VPS8: variants seen among roughly 807,000 people sequenced by gnomAD.
VPS8 encodes the protein vacuolar protein sorting-associated protein 8 homolog.
In VPS8, 129 loss-of-function variants were observed where a neutral mutation model predicts 216.4. That is an observed-to-expected ratio of 0.60 (90% confidence interval 0.52 to 0.69). VPS8 has a LOEUF of 0.69. Among genes scored for constraint, VPS8 ranks in the 30% least tolerant of loss-of-function variants. VPS8 has a pLI of 0.00. For synonymous variants in VPS8, 571 were observed against 565.4 expected (o/e 1.01, Z -0.14); for missense variants, 1,531 against 1,683.5 (o/e 0.91, Z 1.59).
chr3:185,020,009 C>T (rs1183785223), intron 45 of VPS8, among the ~76,000 whole-genome samples: 1 of 152,180 alleles, frequency 6.6e-6, no homozygotes, highest in African/African-American at 2.4e-5. Flanking sequence ...GCCCATCTTA[C>T]TTACCTGAAG....
chr3:185,021,198 A>G (rs1163468913), intron 45 of VPS8, among the ~76,000 whole-genome samples: 2 of 152,246 alleles, frequency 1.3e-5, no homozygotes, highest in Non-Finnish European at 2.9e-5. Flanking sequence ...AACATTATTA[A>G]GGCCCTAGCT....
chr3:185,025,798 T>C (rs1025626892), intron 46 of VPS8, among the ~76,000 whole-genome samples: 5 of 152,226 alleles, frequency 3.3e-5, no homozygotes, highest in African/African-American at 1.2e-4. Context: ...TCTAACATAG[T>C]GATGTCAAGC....
chr3:184,996,302 T>G (rs368672392), intron 43 of VPS8, 30 bp from the exon 44 acceptor site: 22 of 1,579,550 alleles, frequency 1.4e-5, no homozygotes, highest in Non-Finnish European at 1.8e-5. Context: ...AACCTTTTGT[T>G]TGTTTGTTTT....
At chr3:185,014,032 A>C (rs1418506932) in intron 45 of VPS8, among the ~76,000 whole-genome samples, 5 of 152,222 alleles carry the variant, frequency 3.3e-5, no homozygotes, top group African/African-American at 1.2e-4. Flanking sequence ...TTATTATGGT[A>C]AATCCTGAGA....
At chr3:184,920,999 T>C (rs1738510974) in intron 29 of VPS8, among the ~76,000 whole-genome samples, 1 of 152,214 alleles carries the variant, frequency 6.6e-6, no homozygotes, top group Non-Finnish European at 1.5e-5. Context: ...GCAGTGATGA[T>C]TATGAAAATA....
intron 17 of VPS8, among the ~76,000 whole-genome samples, chr3:184,867,691 C>T (rs888780636): frequency 6.6e-5 from 10 of 152,130 alleles, no homozygotes; most frequent in African/African-American, 1.9e-4. Flanking sequence ...AGTAAAAATA[C>T]AAAAATTAGC....
chr3:184,917,013 G>A (rs1284126328), intron 28 of VPS8, among the ~76,000 whole-genome samples: 1 of 152,136 alleles, frequency 6.6e-6, no homozygotes, highest in Non-Finnish European at 1.5e-5. Context: ...CTTTTGTGGA[G>A]GAAGAGGATC....
intron 3 of VPS8, among the ~76,000 whole-genome samples, chr3:184,830,410 A>AT (rs1473160352): frequency 1.3e-5 from 2 of 151,030 alleles, no homozygotes; most frequent in Non-Finnish European, 3.0e-5. Context: ...TTATTTATTT[A>AT]TTTTTTTGCA....
At chr3:184,931,482 T>C (rs1055231942) in intron 34 of VPS8, among the ~76,000 whole-genome samples, 1 of 152,204 alleles carries the variant, frequency 6.6e-6, no homozygotes, top group Non-Finnish European at 1.5e-5. Context: ...TTTGAACATT[T>C]TTTATAGATA....
intron 36 of VPS8, among the ~76,000 whole-genome samples, chr3:184,954,031 G>C (rs1745162519): frequency 6.6e-6 from 1 of 152,138 alleles, no homozygotes; most frequent in Non-Finnish European, 1.5e-5. Context: ...CTTTAAATCA[G>C]GATACCCTTG....
intron 38 of VPS8, 89 bp from the exon 39 acceptor site, chr3:184,966,581 GT>G: frequency 1.2e-6 from 1 of 859,486 alleles, no homozygotes; most frequent in Non-Finnish European, 1.7e-6. Context: ...GTTTTGAGGG[GT>G]TTACCTTTAA....
chr3:184,869,678 C>T, intron 20 of VPS8, 150 bp downstream of exon 20: 1 of 727,762 alleles, frequency 1.4e-6, no homozygotes. Context: ...CACTTGGGGT[C>T]AGGGGTTCAA....
At chr3:184,921,938 G>A (rs547962501) in intron 29 of VPS8, among the ~76,000 whole-genome samples, 10 of 152,052 alleles carry the variant, frequency 6.6e-5, no homozygotes, top group East Asian at 1.9e-4. Context: ...TGCCATACCC[G>A]TCTAAACTGT....
intron 22 of VPS8, among the ~76,000 whole-genome samples, chr3:184,892,054 C>T (rs1732445602): frequency 6.6e-6 from 1 of 152,068 alleles, no homozygotes; most frequent in Admixed American, 6.5e-5. Flanking sequence ...CTTTGGTCCT[C>T]TATTATTCAT....
At chr3:184,966,786 C>CA in intron 39 of VPS8, 73 bp downstream of exon 39, 37 of 1,108,220 alleles carry the variant, frequency 3.3e-5, no homozygotes, top group South Asian at 5.0e-5. Flanking sequence ...TAATAAATTG[C>CA]ATTTATTATG....
intron 46 of VPS8, among the ~76,000 whole-genome samples, chr3:185,030,081 A>G (rs1034033413): frequency 3.3e-5 from 5 of 152,202 alleles, no homozygotes; most frequent in African/African-American, 1.2e-4. Flanking sequence ...CCAGAAATGT[A>G]AAAATCAGGA....
At chr3:184,934,358 A>G (rs1439713054) in intron 34 of VPS8, among the ~76,000 whole-genome samples, 1 of 151,928 alleles carries the variant, frequency 6.6e-6, no homozygotes, top group African/African-American at 2.4e-5. Flanking sequence ...TTTAGTAGAG[A>G]CAGGGTTTTG....
Position 184,895,061 on chromosome 3 carries a change from T to G in VPS8, c.2004+136T>G, listed in dbSNP as rs1560566826. On this transcript the variant is annotated intron_variant, in intron 23 of 47. Coordinates refer to ENST00000625842, the MANE Select transcript of VPS8 (RefSeq NM_001009921.3). Reference sequence around the variant, plus strand: ...ATTGAGCACTTTTTGTAAGATGTATTATAAACTTGTATTTGTCAATATATT... The same window carrying G: ...ATTGAGCACTTTTTGTAAGATGTATGATAAACTTGTATTTGTCAATATATT... 2.3e-5 allele frequency: 16 copies of G among 693,536 alleles called. No homozygotes were observed. In the East Asian group the frequency reaches 4.1e-4, roughly 18 times the overall value. The allele number at this position is 693,536 out of a possible 1,614,324, so 43.0% of individuals were successfully genotyped here.
intron 5 of VPS8, among the ~76,000 whole-genome samples, chr3:184,836,695 G>A (rs1721156289): frequency 6.6e-6 from 1 of 152,158 alleles, no homozygotes; most frequent in Admixed American, 6.5e-5. Flanking sequence ...TTATTAACAT[G>A]TAAAGCTAGT....
Sources: gnomAD v4.1 joint callset for allele counts (sites outside exome capture counted in the v4.1 genomes callset) on GRCh38, gnomAD v4.1.1 for gene constraint, MANE v1.5 for transcripts, NCBI Gene and HGNC (gene_info 2026-07-23, HGNC 2026-07-21) for gene names.